SDHC: variants seen among roughly 807,000 people sequenced by gnomAD.
SDHC encodes succinate dehydrogenase cytochrome b560 subunit, mitochondrial.
In SDHC, 11 loss-of-function variants were observed where a neutral mutation model predicts 22.6. The ratio of observed to expected loss-of-function variants is 0.49; its 90% CI spans 0.31 to 0.81. The LOEUF is 0.81. Ranked by LOEUF, SDHC falls within the 30% of genes least tolerant of loss-of-function variation. SDHC has a pLI of 0.05. For missense variants in SDHC, 160 were observed against 212.0 expected (o/e 0.75, Z 1.52); for synonymous variants, 80 against 77.8 (o/e 1.03, Z -0.15).
At chr1:161,319,222 A>AAAAT (rs35327704) in intron 1 of SDHC, among the ~76,000 whole-genome samples, 26,904 of 150,752 alleles carry the variant, frequency 0.18, 2,676 homozygotes, top group Admixed American at 0.25. Context: ...ACTCTGTCTT[A>AAAAT]AAATAAATAA....
chr1:161,344,942 G>T (rs754647112), intron 4 of SDHC, among the ~76,000 whole-genome samples: 2 of 152,168 alleles, frequency 1.3e-5, no homozygotes, highest in Non-Finnish European at 2.9e-5. Flanking sequence ...TGTGGTCTTT[G>T]CATTCTTGTG....
chr1:161,336,642 T>C (rs555895269), intron 3 of SDHC, among the ~76,000 whole-genome samples: 1 of 152,088 alleles, frequency 6.6e-6, no homozygotes, highest in South Asian at 2.1e-4. Flanking sequence ...CAGACATACT[T>C]GGGGGGAAAA....
chr1:161,363,032 A>G lies in SDHC; in HGVS notation c.*599A>G, dbSNP rs191744054. 3.2e-4 allele frequency: 78 copies of G among 247,398 alleles called. 1 individual carries two copies. The East Asian group carries it at 4.3e-3, about 14-fold the overall frequency. The allele number at this position is 247,398 out of a possible 1,614,324, so 15.3% of individuals were successfully genotyped here. A position where few individuals can be genotyped will look rare whatever the true frequency, so the allele number is the denominator to read the frequency against. ...GCAGCTGCTTTTGAGGAGAAAATAT[A>G]TAGCTTTGGACACGAGGAAGATCTA... On this transcript the variant is annotated 3_prime_UTR_variant, in exon 6 of 6. Coordinates refer to ENST00000367975, the MANE Select transcript of SDHC (RefSeq NM_003001.5).
At chr1:161,330,946 C>T (rs888138418) in intron 3 of SDHC, among the ~76,000 whole-genome samples, 9 of 147,436 alleles carry the variant, frequency 6.1e-5, no homozygotes, top group South Asian at 4.3e-4. Flanking sequence ...TGCAGTGAGC[C>T]GAGATTGCGA....
At chr1:161,340,484 A>G (rs1671680265) in intron 3 of SDHC, 110 bp from the exon 4 acceptor site, 6 of 965,642 alleles carry the variant, frequency 6.2e-6, no homozygotes, top group East Asian at 2.4e-5. Context: ...AAAAAAAAAA[A>G]GAAAAAAAAG....
chr1:161,341,760 T>C (rs1671724764), intron 4 of SDHC, among the ~76,000 whole-genome samples: 1 of 152,230 alleles, frequency 6.6e-6, no homozygotes. Context: ...TTATGTTCCC[T>C]GGATACATGC....
At chr1:161,348,595 T>C (rs371620328) in intron 4 of SDHC, among the ~76,000 whole-genome samples, 3 of 141,960 alleles carry the variant, frequency 2.1e-5, no homozygotes, top group Non-Finnish European at 4.5e-5. Flanking sequence ...CTGAGGCGGG[T>C]GGATCACCTG....
intron 2 of SDHC, chr1:161,326,589 T>A (rs1356140590): frequency 6.8e-6 from 1 of 147,758 alleles, no homozygotes; most frequent in Non-Finnish European, 1.5e-5. Flanking sequence ...ATTAGGTCTT[T>A]AAGGTTTTAT....
chr1:161,315,938 G>C (rs995688717), intron 1 of SDHC, among the ~76,000 whole-genome samples: 4 of 152,136 alleles, frequency 2.6e-5, no homozygotes, highest in Admixed American at 2.0e-4. Flanking sequence ...TAGGATAATA[G>C]TGGAGAGAAG....
intron 5 of SDHC, among the ~76,000 whole-genome samples, chr1:161,360,351 T>G (rs1247121790): frequency 1.3e-5 from 2 of 151,708 alleles, no homozygotes; most frequent in Non-Finnish European, 2.9e-5. Flanking sequence ...GCTCAGGAGT[T>G]CAAAACTAGC....
chr1:161,327,295 G>A (rs1046371155), intron 2 of SDHC, among the ~76,000 whole-genome samples: 3 of 152,146 alleles, frequency 2.0e-5, no homozygotes, highest in Non-Finnish European at 4.4e-5. Flanking sequence ...ACATGCGGGG[G>A]ACCAGACAGC....
At chr1:161,337,067 T>C (rs546962080) in intron 3 of SDHC, among the ~76,000 whole-genome samples, 2,968 of 151,178 alleles carry the variant, frequency 0.02, 85 homozygotes, top group African/African-American at 0.064. Context: ...ATGGGTTTTT[T>C]TTTTTTTTTT....
chr1:161,317,529 T>TTGTGTGTGTG (rs138977321), intron 1 of SDHC, among the ~76,000 whole-genome samples: 34 of 132,068 alleles, frequency 2.6e-4, no homozygotes, highest in African/African-American at 1.1e-3. Context: ...TGCCTTGGTT[T>TTGTGTGTGTG]TGTGTGTGTG....
intron 1 of SDHC, among the ~76,000 whole-genome samples, chr1:161,317,708 T>C (rs144308699): frequency 0.12 from 17,554 of 150,716 alleles, 1,379 homozygotes; most frequent in African/African-American, 0.22. Context: ...ACTACAGGCG[T>C]GTGCCACCAT....
intron 4 of SDHC, 126 bp downstream of exon 4, chr1:161,340,781 G>C (rs1283489789): frequency 2.6e-6 from 2 of 759,570 alleles, no homozygotes; most frequent in African/African-American, 3.4e-5. Context: ...AGTCTCTTAA[G>C]TTTATTGTTC....
rs1452572046 is a variant in SDHC, at chr1:161,359,240, G to T, written c.405+2400G>T. Among the ~76,000 whole-genome samples the T allele has an allele frequency of 2.0e-5, 3 of 152,114 alleles. No individual in the cohort carries two copies. In the East Asian group the frequency reaches 5.8e-4, roughly 29 times the overall value. ...CAGATGGATGCTTTTGCCTTAATTT[G>T]ACTTTTTATTACTTCCAAATCATAG... On this transcript the variant is annotated intron_variant, in intron 5 of 5. Coordinates refer to ENST00000367975, the MANE Select transcript of SDHC (RefSeq NM_003001.5).
At chr1:161,328,555 T>C (rs1671160777) in intron 3 of SDHC, 58 bp downstream of exon 3, 2 of 1,245,966 alleles carry the variant, frequency 1.6e-6, no homozygotes, top group South Asian at 2.4e-5. Context: ...GTTCTGAAGG[T>C]TGATCTTTAG....
chr1:161,338,729 G>A (rs1306806142), intron 3 of SDHC, among the ~76,000 whole-genome samples: 4 of 152,162 alleles, frequency 2.6e-5, no homozygotes, highest in African/African-American at 9.7e-5. Flanking sequence ...TAATAAGGGA[G>A]GATTCAAGGA....
chr1:161,314,498 G>A (rs2102272354), intron 1 of SDHC, 73 bp downstream of exon 1: 1 of 1,560,532 alleles, frequency 6.4e-7, no homozygotes, highest in Non-Finnish European at 8.8e-7. Flanking sequence ...ACGTTTTGCT[G>A]ATAACTGTTT....
Sources: gnomAD v4.1 joint callset for allele counts (sites outside exome capture counted in the v4.1 genomes callset) on GRCh38, gnomAD v4.1.1 for gene constraint, MANE v1.5 for transcripts, NCBI Gene and HGNC (gene_info 2026-07-23, HGNC 2026-07-21) for gene names.